The following INPP4B variants were observed in gnomAD, a reference collection of about 807,000 sequenced individuals.
INPP4B encodes the protein inositol polyphosphate-4-phosphatase type II B, also known as inositol polyphosphate 4-phosphatase type II.
INPP4B carries 55 observed loss-of-function variants against 122.5 expected under a neutral mutation model. The observed-to-expected ratio is 0.45, with a 90% CI of 0.36 to 0.56. The LOEUF is 0.56. INPP4B is among the 20% of genes least tolerant of loss of function. The pLI is 0.00. For missense variants in INPP4B, 1,000 were observed against 1,097.7 expected (o/e 0.91, Z 1.26); for synonymous variants, 403 against 388.7 (o/e 1.04, Z -0.43).
chr4:142,736,458 T>C (rs1309945859), intron 1 of INPP4B, among the ~76,000 whole-genome samples: 2 of 152,142 alleles, frequency 1.3e-5, no homozygotes, highest in Non-Finnish European at 2.9e-5. Context: ...CAGAAGCTTC[T>C]CCTCTTTTAT....
chr4:142,335,651 T>C (rs556335926), intron 7 of INPP4B, among the ~76,000 whole-genome samples: 1 of 152,314 alleles, frequency 6.6e-6, no homozygotes, highest in Non-Finnish European at 1.5e-5. Flanking sequence ...TAAGCACCCT[T>C]AGGAGATAGG....
intron 7 of INPP4B, among the ~76,000 whole-genome samples, chr4:142,362,052 C>T (rs927688781): frequency 2.6e-5 from 4 of 151,526 alleles, no homozygotes; most frequent in Non-Finnish European, 5.9e-5. Flanking sequence ...ATAAGTATGA[C>T]ACAGATGTTA....
At position 142,067,810 on chromosome 4, in the gene INPP4B, T is replaced by A. The variant is rs142031147; in HGVS notation, c.2642+14221A>T. 4.2e-3 allele frequency among the ~76,000 whole-genome samples: 646 copies of A among 152,236 alleles called. 2 individuals carry two copies. The highest frequency in any genetic ancestry group is 7.1e-3 in the Non-Finnish European group (485 of 68,008). On this transcript the variant is annotated intron_variant, in intron 25 of 25. Coordinates refer to ENST00000262992, the MANE Select transcript of INPP4B (RefSeq NM_001101669.3). The stretch of plus-strand genomic sequence containing the variant: ...AGAGTAAAAAGAAACGAACGAAGCC[T>A]CCAAGAACTATCGGACTATGTGAAA...
chr4:142,189,040 C>T (rs1054893527), intron 15 of INPP4B, among the ~76,000 whole-genome samples: 2 of 152,086 alleles, frequency 1.3e-5, no homozygotes, highest in Non-Finnish European at 2.9e-5. Context: ...TGATTTTCCC[C>T]TTTTTATGCA....
chr4:142,048,346 G>A (rs2152378473), intron 25 of INPP4B, among the ~76,000 whole-genome samples: 1 of 152,188 alleles, frequency 6.6e-6, no homozygotes, highest in Admixed American at 6.6e-5. Context: ...TAATTGGAGA[G>A]TAATAGGTAG....
At chr4:142,282,293 C>T (rs577793764) in intron 9 of INPP4B, among the ~76,000 whole-genome samples, 1 of 152,058 alleles carries the variant, frequency 6.6e-6, no homozygotes. Flanking sequence ...ATCCTGGTTA[C>T]CCTATTTGAG....
intron 2 of INPP4B, among the ~76,000 whole-genome samples, chr4:142,638,737 G>A (rs965685168): frequency 2.7e-4 from 41 of 151,690 alleles, no homozygotes; most frequent in Admixed American, 5.3e-4. Flanking sequence ...CAGTGGAGAC[G>A]GGGTTTCACC....
At chr4:142,048,771 A>T (rs1752934217) in intron 25 of INPP4B, among the ~76,000 whole-genome samples, 1 of 152,030 alleles carries the variant, frequency 6.6e-6, no homozygotes, top group African/African-American at 2.4e-5. Context: ...ATATACTTGG[A>T]TTTAAAATAT....
In INPP4B at chr4:142,160,519, T is replaced by G; in HGVS notation, c.1402A>C (p.Ser468Arg). ...VHAFKDQLVRSALLALYTARP... is the reference protein window; with the variant it reads ...VHAFKDQLVRRALLALYTARP... ...GCAGTGTAGAGTGCTAAAAGAGCAC[T>G]CCTGACAAGTTGATCCTTGAAGGCA... is the stretch of plus-strand genomic sequence containing the variant. The change falls in exon 17 of 26, where the codon AGT becomes CGT. Residue 468 changes from serine (S) to arginine (R), a missense_variant. Transcript: ENST00000262992. 1 of 1,610,118 alleles carries G rather than the reference T, an allele frequency of 6.2e-7. No individual in the cohort carries two copies. Among genetic ancestry groups the G allele is most frequent in the Non-Finnish European group, 8.5e-7 (1 of 1,177,326 alleles).
intron 21 of INPP4B, among the ~76,000 whole-genome samples, chr4:142,117,059 T>C (rs929439925): frequency 2.0e-5 from 3 of 152,156 alleles, no homozygotes; most frequent in African/African-American, 7.2e-5. Flanking sequence ...CTAGAAAATC[T>C]AGAAGAAATG....
chr4:142,075,937 T>C (rs962409547), intron 25 of INPP4B, among the ~76,000 whole-genome samples: 5 of 152,120 alleles, frequency 3.3e-5, no homozygotes, highest in Non-Finnish European at 7.4e-5. Flanking sequence ...TTGTTTCAAT[T>C]AGATTCATTT....
At chr4:142,620,649 A>G (rs1221279495) in intron 2 of INPP4B, among the ~76,000 whole-genome samples, 2 of 151,942 alleles carry the variant, frequency 1.3e-5, no homozygotes, top group Admixed American at 6.6e-5. Context: ...TATGCATTAA[A>G]CTGAAATAAG....
intron 2 of INPP4B, among the ~76,000 whole-genome samples, chr4:142,518,502 T>G (rs150127141): frequency 5.4e-4 from 82 of 152,262 alleles, no homozygotes; most frequent in African/African-American, 1.8e-3. Context: ...TCCCCACCAG[T>G]GGTAGCCAAT....
chr4:142,338,825 T>C (rs1028596948), intron 7 of INPP4B, among the ~76,000 whole-genome samples: 1 of 152,160 alleles, frequency 6.6e-6, no homozygotes, highest in African/African-American at 2.4e-5. Flanking sequence ...GATCCCACAC[T>C]CCACCCTTTT....
intron 7 of INPP4B, among the ~76,000 whole-genome samples, chr4:142,363,660 A>C (rs2148585616): frequency 6.6e-6 from 1 of 152,154 alleles, no homozygotes; most frequent in Non-Finnish European, 1.5e-5. Context: ...GAGTCCAGTG[A>C]TCCTTCTTTT....
At chr4:142,266,081 A>G (rs908310856) in intron 10 of INPP4B, among the ~76,000 whole-genome samples, 2 of 152,170 alleles carry the variant, frequency 1.3e-5, no homozygotes, top group Non-Finnish European at 2.9e-5. Flanking sequence ...TTACAGGTCT[A>G]GGCATAATTA....
At chr4:142,030,292 G>T (rs1436767323) in intron 25 of INPP4B, 1 of 1,534,952 alleles carries the variant, frequency 6.5e-7, no homozygotes, top group African/African-American at 1.4e-5. Flanking sequence ...AGTGCTCCCT[G>T]GGTTTGTCTG....
chr4:142,528,281 A>G (rs573920402), intron 2 of INPP4B, among the ~76,000 whole-genome samples: 14 of 152,188 alleles, frequency 9.2e-5, no homozygotes, highest in African/African-American at 3.4e-4. Flanking sequence ...TACACTTCTT[A>G]TCTGGCTCAA....
chr4:142,412,133 C>A (rs1354213678), intron 5 of INPP4B, among the ~76,000 whole-genome samples: 6 of 151,920 alleles, frequency 3.9e-5, no homozygotes, highest in African/African-American at 1.5e-4. Flanking sequence ...ACTGATAAGC[C>A]AATTTAGGTT....
Sources: allele counts gnomAD v4.1 joint callset (sites outside exome capture counted in the v4.1 genomes callset), GRCh38; gene constraint gnomAD v4.1.1; transcripts MANE v1.5; gene names NCBI Gene and HGNC (gene_info 2026-07-23, HGNC 2026-07-21).